The following SLC9A9 variants were observed in gnomAD, a reference collection of about 807,000 sequenced individuals.
SLC9A9 encodes solute carrier family 9 member A9.
In SLC9A9, 62 loss-of-function variants were observed where a neutral mutation model predicts 77.8. That is an observed-to-expected ratio of 0.80 (90% CI 0.65 to 0.98). The LOEUF (loss-of-function observed/expected upper bound fraction) is 0.98. SLC9A9 is among the 50% of genes least tolerant of loss of function. The pLI, the probability that SLC9A9 is intolerant of heterozygous loss-of-function variation, is 0.00. For missense variants in SLC9A9, 775 were observed against 774.9 expected, an observed-to-expected ratio of 1.00 and a Z score of 0.00; for synonymous variants, 320 against 283.5, an observed-to-expected ratio of 1.13 and a Z score of -1.29.
Position 143,550,978 on chromosome 3 carries a change from T to A in SLC9A9, c.1089+1384A>T, listed in dbSNP as rs75716667. Among the ~76,000 whole-genome samples the A allele has an allele frequency of 5.1e-4, 78 of 152,338 alleles. 1 individual carries two copies. In the East Asian group the frequency reaches 0.012, roughly 23 times the overall value. Reference sequence around the variant, plus strand: ...CCAGTAGCTCAAAATGTGACTTTACTTGGAAACGGAGTCATTGTAAATGTA... The same window carrying A: ...CCAGTAGCTCAAAATGTGACTTTACATGGAAACGGAGTCATTGTAAATGTA... On this transcript the variant is annotated intron_variant, in intron 9 of 15. Coordinates refer to ENST00000316549, the MANE Select transcript of SLC9A9 (RefSeq NM_173653.4).
intron 4 of SLC9A9, among the ~76,000 whole-genome samples, chr3:143,730,390 A>C (rs1178989274): frequency 1.3e-5 from 2 of 152,184 alleles, no homozygotes; most frequent in Non-Finnish European, 2.9e-5. Flanking sequence ...CAGACAGTAC[A>C]TTTCTACAAG....
intron 12 of SLC9A9, among the ~76,000 whole-genome samples, chr3:143,398,856 C>T (rs549291419): frequency 1.3e-5 from 2 of 152,128 alleles, no homozygotes; most frequent in Non-Finnish European, 2.9e-5. Flanking sequence ...CAATTGGAAG[C>T]AGATTTGATC....
chr3:143,679,036 A>G (rs1187470541), intron 5 of SLC9A9, among the ~76,000 whole-genome samples: 1 of 118,392 alleles, frequency 8.4e-6, no homozygotes, highest in African/African-American at 3.1e-5. Flanking sequence ...AAGAGGTGAG[A>G]GGGGTGGGAA....
chr3:143,494,537 C>T (rs144498006), intron 10 of SLC9A9, among the ~76,000 whole-genome samples: 26 of 152,316 alleles, frequency 1.7e-4, no homozygotes, highest in African/African-American at 6.0e-4. Flanking sequence ...TTAATTGGAA[C>T]ACAGTTTATA....
chr3:143,619,013 T>C (rs2038153403), intron 6 of SLC9A9, among the ~76,000 whole-genome samples: 1 of 152,134 alleles, frequency 6.6e-6, no homozygotes, highest in Non-Finnish European at 1.5e-5. Context: ...ATCATAACAG[T>C]GAAAATAATT....
At chr3:143,319,722 T>C (rs1039984842) in intron 14 of SLC9A9, among the ~76,000 whole-genome samples, 1 of 152,184 alleles carries the variant, frequency 6.6e-6, no homozygotes, top group Non-Finnish European at 1.5e-5. Context: ...AGGATAGACA[T>C]ACTGGGGAGA....
At chr3:143,352,130 G>A (rs1275441648) in intron 14 of SLC9A9, among the ~76,000 whole-genome samples, 8 of 152,156 alleles carry the variant, frequency 5.3e-5, no homozygotes, top group Non-Finnish European at 1.0e-4. Flanking sequence ...CCCACTCGCT[G>A]CTCTTGGGCA....
intron 6 of SLC9A9, chr3:143,627,591 C>G: frequency 3.1e-6 from 1 of 323,466 alleles, no homozygotes; most frequent in South Asian, 3.5e-5. Context: ...TGGCAGACCT[C>G]TCACTAACAA....
intron 12 of SLC9A9, among the ~76,000 whole-genome samples, chr3:143,448,386 A>T (rs1281008578): frequency 6.6e-6 from 1 of 152,174 alleles, no homozygotes; most frequent in East Asian, 1.9e-4. Flanking sequence ...AGCAAAGACA[A>T]GAAAATTAAC....
intron 4 of SLC9A9, among the ~76,000 whole-genome samples, chr3:143,724,157 T>C (rs990589987): frequency 3.9e-5 from 6 of 152,120 alleles, no homozygotes; most frequent in Non-Finnish European, 7.4e-5. Flanking sequence ...GGGAAGGTGA[T>C]TGGATTATGG....
chr3:143,701,515 C>A (rs1158603248), intron 4 of SLC9A9, among the ~76,000 whole-genome samples: 1 of 152,062 alleles, frequency 6.6e-6, no homozygotes, highest in Non-Finnish European at 1.5e-5. Context: ...GCAATTGACA[C>A]ATGAAAGAAT....
At chr3:143,314,304 T>A (rs1398907069) in intron 14 of SLC9A9, 1 of 152,362 alleles carries the variant, frequency 6.6e-6, no homozygotes, top group Non-Finnish European at 1.5e-5. Context: ...AATGTCAGGG[T>A]CCTGTGCTCC....
chr3:143,510,662 C>T (rs1340156937), intron 9 of SLC9A9, among the ~76,000 whole-genome samples: 1 of 152,106 alleles, frequency 6.6e-6, no homozygotes, highest in Non-Finnish European at 1.5e-5. Context: ...ACTAATTATG[C>T]CCATTTTAAA....
At chr3:143,589,178 G>A (rs2108676502) in intron 6 of SLC9A9, among the ~76,000 whole-genome samples, 1 of 152,256 alleles carries the variant, frequency 6.6e-6, no homozygotes, top group South Asian at 2.1e-4. Context: ...CATTCACTAT[G>A]TGTCAAGCAC....
At chr3:143,632,213 T>C (rs1198878464) in intron 6 of SLC9A9, among the ~76,000 whole-genome samples, 1 of 152,162 alleles carries the variant, frequency 6.6e-6, no homozygotes, top group African/African-American at 2.4e-5. Context: ...TAGAATACGA[T>C]CTCAGCTTTG....
chr3:143,354,462 G>T (rs1368192299), intron 14 of SLC9A9, among the ~76,000 whole-genome samples: 1 of 152,200 alleles, frequency 6.6e-6, no homozygotes, highest in Non-Finnish European at 1.5e-5. Flanking sequence ...AGCTTCACAT[G>T]CAGACAAATG....
intron 12 of SLC9A9, among the ~76,000 whole-genome samples, chr3:143,446,669 A>T (rs945901911): frequency 1.4e-4 from 21 of 152,100 alleles, no homozygotes; most frequent in Admixed American, 3.3e-4. Context: ...GTGGGGTGTG[A>T]TCTATCAGGA....
At chr3:143,377,748 C>G (rs1195010761) in intron 13 of SLC9A9, among the ~76,000 whole-genome samples, 1 of 152,184 alleles carries the variant, frequency 6.6e-6, no homozygotes, top group Non-Finnish European at 1.5e-5. Context: ...TCTATTACTT[C>G]CAAGCTCCAA....
chr3:143,525,178 TAA>T (rs2036383627), intron 9 of SLC9A9, among the ~76,000 whole-genome samples: 1 of 152,250 alleles, frequency 6.6e-6, no homozygotes, highest in Non-Finnish European at 1.5e-5. Context: ...GAAGTTAATT[TAA>T]GAACTAGTTC....
Sources: allele counts gnomAD v4.1 joint callset (sites outside exome capture counted in the v4.1 genomes callset), GRCh38; gene constraint gnomAD v4.1.1; transcripts MANE v1.5; gene names NCBI Gene and HGNC (gene_info 2026-07-23, HGNC 2026-07-21).